MARK4: variants seen among roughly 807,000 people sequenced by gnomAD.
MARK4 encodes the protein MAP/microtubule affinity-regulating kinase 4.
A neutral mutation model predicts 81.5 loss-of-function variants in MARK4; 19 were observed. That is an observed-to-expected ratio of 0.23 (90% CI 0.16 to 0.34). MARK4 has a LOEUF of 0.34. Among genes scored for constraint, MARK4 ranks in the 10% least tolerant of loss-of-function variants. MARK4 has a pLI of 1.00. For missense variants in MARK4, 772 were observed against 1,058.8 expected (o/e 0.73, Z 3.76); for synonymous variants, 436 against 439.0 (o/e 0.99, Z 0.08).
At chr19:45,263,058 A>C in intron 2 of MARK4, 55 bp from the exon 3 acceptor site, 1 of 1,561,314 alleles carries the variant, frequency 6.4e-7, no homozygotes. Flanking sequence ...GAGCCACCAT[A>C]TCCAGTGGGG....
chr19:45,277,869 G>GTA (rs1491087495), intron 8 of MARK4, 54 bp from the exon 9 acceptor site: 11 of 1,368,076 alleles, frequency 8.0e-6, no homozygotes, highest in African/African-American at 1.6e-5. Context: ...GTGTGTGTGT[G>GTA]TAATAGGTGG....
At chr19:45,297,091 G>A (rs182338384) in intron 14 of MARK4, among the ~76,000 whole-genome samples, 5 of 151,228 alleles carry the variant, frequency 3.3e-5, no homozygotes, top group Admixed American at 2.0e-4. Context: ...GGTGGCACAC[G>A]CTTGTAATCC....
chr19:45,302,354 C>T lies in MARK4; in HGVS notation c.1923-20C>T. On this transcript the variant is annotated intron_variant, in intron 16 of 16. Coordinates refer to ENST00000262891, the MANE Select transcript of MARK4 (RefSeq NM_001199867.2). The surrounding 1 kb of genome is among the most constrained non-coding windows in gnomAD (Gnocchi z 4.9). Reference sequence around the variant, plus strand: ...TCCTCTTCGCTCCCATCTCTGACCCCTGACATCTTCTCGCCTCAGTTGCCA... The same window carrying T: ...TCCTCTTCGCTCCCATCTCTGACCCTTGACATCTTCTCGCCTCAGTTGCCA... The T allele has an allele frequency of 6.2e-7, 1 of 1,614,046 alleles. No individual in the cohort carries two copies. The highest frequency in any genetic ancestry group is 8.5e-7 in the Non-Finnish European group (1 of 1,179,922).
At chr19:45,285,997 C>T (rs764152093) in intron 12 of MARK4, among the ~76,000 whole-genome samples, 1 of 152,184 alleles carries the variant, frequency 6.6e-6, no homozygotes, top group Non-Finnish European at 1.5e-5. Flanking sequence ...AAGTCTTCAT[C>T]CAACACATAT....
intron 14 of MARK4, among the ~76,000 whole-genome samples, chr19:45,294,916 A>C (rs1970866905): frequency 6.6e-6 from 1 of 152,168 alleles, no homozygotes; most frequent in African/African-American, 2.4e-5. Context: ...GAATGGGGCC[A>C]GCTCCAGGAT....
At chr19:45,252,196 G>A (rs1045794169) in intron 1 of MARK4, among the ~76,000 whole-genome samples, 10 of 151,854 alleles carry the variant, frequency 6.6e-5, no homozygotes, top group African/African-American at 2.4e-4. Context: ...CCCCTGGCAG[G>A]AAGCTGGTTT....
At chr19:45,256,988 C>G (rs1401952574) in intron 1 of MARK4, among the ~76,000 whole-genome samples, 2 of 151,960 alleles carry the variant, frequency 1.3e-5, no homozygotes, top group East Asian at 1.9e-4. Flanking sequence ...GGGTCTTGCT[C>G]TGTTGCCCAG....
In MARK4 at chr19:45,304,860, T is replaced by A. The variant is rs144505018; in HGVS notation, c.*2150T>A. 1.0e-3 allele frequency: 156 copies of A among 152,450 alleles called. No homozygotes were observed. The highest frequency in any genetic ancestry group is 1.6e-3 in the Non-Finnish European group (111 of 68,190). The allele number at this position is 152,450 out of a possible 1,614,324, so 9.4% of individuals were successfully genotyped here. ...GCCAGGGAGCAAGAGAGAGGACAGGTCCTCAACAAATGGCATGTGACTTTG... is the reference window on the plus strand; with the variant it reads ...GCCAGGGAGCAAGAGAGAGGACAGGACCTCAACAAATGGCATGTGACTTTG... On this transcript the variant is annotated 3_prime_UTR_variant, in exon 17 of 17. Coordinates refer to ENST00000262891, the MANE Select transcript of MARK4 (RefSeq NM_001199867.2).
intron 2 of MARK4, 59 bp from the exon 3 acceptor site, chr19:45,263,054 C>T (rs374844793): frequency 5.8e-6 from 9 of 1,559,238 alleles, no homozygotes; most frequent in African/African-American, 4.1e-5. Flanking sequence ...GCCTGAGCCA[C>T]CATATCCAGT....
At chr19:45,273,306 C>A (rs922092445) in intron 8 of MARK4, among the ~76,000 whole-genome samples, 1 of 152,196 alleles carries the variant, frequency 6.6e-6, no homozygotes, top group Non-Finnish European at 1.5e-5. Context: ...CTGCCCTCAT[C>A]GGCATTGATG....
In MARK4 at chr19:45,277,370, G is replaced by T. The variant is rs561665729; in HGVS notation, c.787-553G>T. Among the ~76,000 whole-genome samples the T allele has an allele frequency of 5.3e-5, 8 of 152,044 alleles. No individual in the cohort carries two copies. The South Asian group carries it at 1.7e-3, about 32-fold the overall frequency. On this transcript the variant is annotated intron_variant, in intron 8 of 16. Coordinates refer to ENST00000262891, the MANE Select transcript of MARK4 (RefSeq NM_001199867.2). ...TGGGATTACAGGTGTGAGCCACCGTGCCTGGCCAGATAATAAACTTTCTCT... is the reference window on the plus strand; with the variant it reads ...TGGGATTACAGGTGTGAGCCACCGTTCCTGGCCAGATAATAAACTTTCTCT...
intron 1 of MARK4, among the ~76,000 whole-genome samples, chr19:45,255,294 C>A (rs1257814531): frequency 6.6e-6 from 1 of 152,010 alleles, no homozygotes; most frequent in African/African-American, 2.4e-5. Flanking sequence ...GGCACGGTGG[C>A]TCATGCCTGT....
rs1401672016 is a variant in MARK4 at position 45,302,261 on chromosome 19, T to G, written c.1923-113T>G. ...TCGCTGGGGTAACAGGGGAAGATGT[T>G]TTTTGAGGGGATGGCTAGGAATGTG... On this transcript the variant is annotated intron_variant, in intron 16 of 16. Transcript: ENST00000262891. This position sits in a 1 kb window ranked among gnomAD's most constrained non-coding sequence, Gnocchi z 4.9. The G allele has an allele frequency of 9.6e-6, 15 of 1,561,988 alleles. No individual in the cohort carries two copies. The highest frequency in any genetic ancestry group is 1.2e-5 in the Non-Finnish European group (14 of 1,153,190).
chr19:45,266,117 T>A, intron 6 of MARK4, 108 bp from the exon 7 acceptor site: 1 of 1,098,052 alleles, frequency 9.1e-7, no homozygotes, highest in Non-Finnish European at 1.4e-6. Context: ...GATCTCAGGC[T>A]GTGCCTTGGG....
intron 12 of MARK4, 43 bp downstream of exon 12, chr19:45,280,777 A>G (rs1970664070): frequency 1.2e-6 from 2 of 1,606,886 alleles, no homozygotes; most frequent in Non-Finnish European, 1.7e-6. Context: ...CCTTCTCCCC[A>G]AGGCCCAGAC....
Position 45,251,574 on chromosome 19 carries a change from C to CCCCCCCCCCCCCCCCCCA in MARK4, c.-15_-14insCCCCCCCCCCCCCCCCCA. On this transcript the variant is annotated 5_prime_UTR_variant, in exon 1 of 17. Coordinates refer to ENST00000262891, the MANE Select transcript of MARK4 (RefSeq NM_001199867.2). ...CCCCCACCCGGCCGCCCCTGCCCCC[C>CCCCCCCCCCCCCCCCCCA]GGGACCCGGAGAAGATGTCTTCGCG... 7.3e-7 allele frequency: 1 copy of CCCCCCCCCCCCCCCCCCA among 1,367,076 alleles called. No homozygotes were observed. Among genetic ancestry groups the CCCCCCCCCCCCCCCCCCA allele is most frequent in the African/African-American group, 1.6e-5 (1 of 64,082 alleles). 84.7% of individuals were successfully genotyped at this position (1,367,076 alleles called of 1,614,324 possible). A position where few individuals can be genotyped will look rare whatever the true frequency, so the allele number is the denominator to read the frequency against.
At chr19:45,273,419 A>G (rs1970557286) in intron 8 of MARK4, among the ~76,000 whole-genome samples, 1 of 152,168 alleles carries the variant, frequency 6.6e-6, no homozygotes, top group South Asian at 2.1e-4. Context: ...ACGGTGACAT[A>G]CAGGAAATAC....
At position 45,259,958 on chromosome 19, in the gene MARK4, A is replaced by T. The variant is rs376416749; in HGVS notation, c.252+769A>T. ...AAAAATTAGCTGGGCGTGGTGGCAC[A>T]TGCCTATAATCTCAGCTGCTCAGTA... On this transcript the variant is annotated intron_variant, in intron 2 of 16. Transcript: ENST00000262891. 4.6e-5 allele frequency among the ~76,000 whole-genome samples: 7 copies of T among 151,312 alleles called. No individual in the cohort carries two copies. In the East Asian group the frequency reaches 1.4e-3, roughly 30 times the overall value.
intron 7 of MARK4, among the ~76,000 whole-genome samples, chr19:45,267,179 C>T (rs35617832): frequency 0.21 from 31,990 of 152,138 alleles, 3,904 homozygotes; most frequent in Non-Finnish European, 0.29. Context: ...CTGCCTCAGC[C>T]TCCCGAGTAG....
Sources: gnomAD v4.1 joint callset for allele counts (sites outside exome capture counted in the v4.1 genomes callset) on GRCh38, gnomAD v4.1.1 for gene constraint, Gnocchi (gnomAD v3.1) non-coding constraint, MANE v1.5 for transcripts, NCBI Gene and HGNC (gene_info 2026-07-23, HGNC 2026-07-21) for gene names.